COL21A1: variants seen among roughly 807,000 people sequenced by gnomAD.
The protein encoded by COL21A1 is collagen type XXI alpha 1 chain, also known as collagen alpha-1(XXI) chain.
Under a neutral mutation model 137.9 loss-of-function variants are expected in COL21A1, and 149 were observed. The observed-to-expected ratio is 1.08, with a 90% CI of 0.95 to 1.24. COL21A1 has a LOEUF of 1.24. COL21A1 is among the 50% of genes most tolerant of loss of function. The pLI is 0.00. For synonymous variants in COL21A1, 456 were observed against 391.5 expected (o/e 1.16, Z -1.95); for missense variants, 1,167 against 1,158.4 (o/e 1.01, Z -0.11).
chr6:56,340,143 T>C (rs1765432996), intron 1 of COL21A1, among the ~76,000 whole-genome samples: 1 of 152,184 alleles, frequency 6.6e-6, no homozygotes, highest in Non-Finnish European at 1.5e-5. Context: ...TTTTCCTCTC[T>C]TATTTGATCT....
chr6:56,258,493 T>C (rs1763169444), intron 1 of COL21A1, among the ~76,000 whole-genome samples: 1 of 152,124 alleles, frequency 6.6e-6, no homozygotes, highest in Admixed American at 6.5e-5. Context: ...CCCACACACA[T>C]GCACTCTATT....
chr6:56,116,996 C>T lies in COL21A1; in HGVS notation c.1758+7066G>A, dbSNP rs998431638. 2.6e-5 allele frequency among the ~76,000 whole-genome samples: 4 copies of T among 151,974 alleles called. No individual in the cohort carries two copies. In the South Asian group the frequency reaches 6.2e-4, roughly 24 times the overall value. ...ACTAAGTTATATCACCAGAGAAAAT[C>T]ATCTTCACTAGAGGACAATAGGAAT... On this transcript the variant is annotated intron_variant, in intron 16 of 29. Transcript: ENST00000244728.
intron 1 of COL21A1, among the ~76,000 whole-genome samples, chr6:56,223,506 A>G (rs1780988535): frequency 6.6e-6 from 1 of 152,016 alleles, no homozygotes; most frequent in South Asian, 2.1e-4. Context: ...GGTTTATGCA[A>G]TTTTCTTTAC....
rs1272796145 is a variant in COL21A1 at position 56,269,595 on chromosome 6, C to T, written c.-38-86939G>A. 2.9e-5 allele frequency among the ~76,000 whole-genome samples: 4 copies of T among 137,816 alleles called. No individual in the cohort carries two copies. The Admixed American group carries it at 3.4e-4, about 12-fold the overall frequency. The allele number at this position is 137,816 out of a possible 152,430, so 90.4% of individuals were successfully genotyped here. On this transcript the variant is annotated intron_variant, in intron 1 of 28. Coordinates refer to the COL21A1 transcript ENST00000370819. The stretch of plus-strand genomic sequence containing the variant: ...GCGTGAACCTGGGAGGCAGAGCTTG[C>T]AGTGAGCCAAGATCCCGCCACTGCA...
chr6:56,258,717 T>C (rs1426452975), intron 1 of COL21A1, among the ~76,000 whole-genome samples: 1 of 152,196 alleles, frequency 6.6e-6, no homozygotes, highest in Non-Finnish European at 1.5e-5. Flanking sequence ...GCTCACATTG[T>C]AGGACCTCCA....
In COL21A1 at chr6:56,141,917, G is replaced by A; in HGVS notation, c.1488+13C>T. 1 of 1,561,822 alleles carries A rather than the reference G, an allele frequency of 6.4e-7. No homozygotes were observed. The highest frequency in any genetic ancestry group is 8.7e-7 in the Non-Finnish European group (1 of 1,150,352). ...AATAAAATTTATAAAATGTATATAA[G>A]TGGATCACATACTTGTATTCCTGGA... is the stretch of plus-strand genomic sequence containing the variant. On this transcript the variant is annotated intron_variant, in intron 11 of 29. Transcript: ENST00000244728.
intron 1 of COL21A1, among the ~76,000 whole-genome samples, chr6:56,347,145 T>C (rs1765614463): frequency 6.6e-6 from 1 of 152,152 alleles, no homozygotes; most frequent in African/African-American, 2.4e-5. Flanking sequence ...GTCCATCTAC[T>C]TAGTCACATT....
At chr6:56,155,099 GTGT>G (rs1439541185) in intron 10 of COL21A1, among the ~76,000 whole-genome samples, 5 of 152,132 alleles carry the variant, frequency 3.3e-5, no homozygotes, top group Non-Finnish European at 7.4e-5. Flanking sequence ...GCTCCAGTGT[GTGT>G]TGTTCTCCTC....
chr6:56,123,781 A>G (rs1397270357), intron 16 of COL21A1, among the ~76,000 whole-genome samples: 1 of 152,184 alleles, frequency 6.6e-6, no homozygotes, highest in East Asian at 1.9e-4. Context: ...ACAGAAAAGA[A>G]CCTCTGTTTC....
intron 13 of COL21A1, 94 bp from the exon 14 acceptor site, chr6:56,125,714 T>C (rs1179700111): frequency 9.5e-6 from 7 of 739,376 alleles, no homozygotes; most frequent in Non-Finnish European, 1.2e-5. Context: ...GAGTTTAATA[T>C]GCCAAAAGCA....
At chr6:56,269,144 A>G (rs867934594) in intron 1 of COL21A1, among the ~76,000 whole-genome samples, 18 of 152,232 alleles carry the variant, frequency 1.2e-4, no homozygotes, top group African/African-American at 4.1e-4. Context: ...ATTGACACTC[A>G]TGAGAGAAAA....
intron 12 of COL21A1, among the ~76,000 whole-genome samples, chr6:56,129,954 A>AGTGT (rs369547828): frequency 7.0e-6 from 1 of 142,580 alleles, no homozygotes; most frequent in African/African-American, 2.6e-5. Context: ...ATATATTCAA[A>AGTGT]GTGTGTGTGT....
At chr6:56,294,435 C>T (rs965424450) in intron 1 of COL21A1, among the ~76,000 whole-genome samples, 3 of 152,018 alleles carry the variant, frequency 2.0e-5, no homozygotes, top group Admixed American at 6.6e-5. Flanking sequence ...TAATGTTAGG[C>T]TTTAGGTTTA....
chr6:56,079,643 C>T (rs17683841), intron 17 of COL21A1, among the ~76,000 whole-genome samples: 23,006 of 151,460 alleles, frequency 0.15, 1,778 homozygotes, highest in Middle Eastern at 0.22. Context: ...TGTAGTAGAA[C>T]ATAGCCACAA....
At chr6:56,297,737 T>C (rs1204099060) in intron 1 of COL21A1, among the ~76,000 whole-genome samples, 1 of 152,120 alleles carries the variant, frequency 6.6e-6, no homozygotes, top group East Asian at 1.9e-4. Flanking sequence ...AAACAAGTTA[T>C]ACACAATGAA....
At chr6:56,226,951 C>A in intron 1 of COL21A1, among the ~76,000 whole-genome samples, 1 of 151,594 alleles carries the variant, frequency 6.6e-6, no homozygotes, top group Non-Finnish European at 1.5e-5. Flanking sequence ...TAGGGGGAGC[C>A]CACAAACAGT....
intron 1 of COL21A1, among the ~76,000 whole-genome samples, chr6:56,335,397 T>C (rs577462719): frequency 6.6e-6 from 1 of 152,286 alleles, no homozygotes; most frequent in African/African-American, 2.4e-5. Flanking sequence ...TTGCTATCTC[T>C]AGTGACAATC....
At chr6:56,158,938 T>C (rs1161794233) in intron 9 of COL21A1, among the ~76,000 whole-genome samples, 2 of 152,192 alleles carry the variant, frequency 1.3e-5, no homozygotes, top group African/African-American at 4.8e-5. Flanking sequence ...GTAATTCTAA[T>C]CCAAGGACTT....
chr6:56,077,681 A>T, intron 17 of COL21A1, 108 bp from the exon 18 acceptor site: 1 of 637,816 alleles, frequency 1.6e-6, no homozygotes, highest in Non-Finnish European at 2.7e-6. Flanking sequence ...CATATTTTCA[A>T]ATGTATACAT....
Sources: allele counts gnomAD v4.1 joint callset (sites outside exome capture counted in the v4.1 genomes callset), GRCh38; gene constraint gnomAD v4.1.1; transcripts MANE v1.5; gene names NCBI Gene and HGNC (gene_info 2026-07-23, HGNC 2026-07-21).